The following AGBL4 variants were observed in gnomAD, a reference collection of about 807,000 sequenced individuals.
The protein encoded by AGBL4 is cytosolic carboxypeptidase 6.
In AGBL4, 58 loss-of-function variants were observed where a neutral mutation model predicts 66.4. The observed-to-expected ratio is 0.87, with a 90% confidence interval of 0.71 to 1.09. The LOEUF is 1.09. Among genes scored for constraint, AGBL4 ranks in the 50% least tolerant of loss-of-function variants. The pLI, the probability that AGBL4 is intolerant of heterozygous loss-of-function variation, is 0.00. For synonymous variants in AGBL4, 234 were observed against 222.9 expected, an observed-to-expected ratio of 1.05 and a Z score of -0.44; for missense variants, 579 against 631.0, an observed-to-expected ratio of 0.92 and a Z score of 0.88.
intron 6 of AGBL4, among the ~76,000 whole-genome samples, chr1:48,834,032 T>C (rs760340963): frequency 6.6e-6 from 1 of 152,170 alleles, no homozygotes; most frequent in African/African-American, 2.4e-5. Flanking sequence ...TTGCAAGCCA[T>C]AATATCTAAT....
chr1:49,111,553 A>G (rs1048763085), intron 4 of AGBL4, among the ~76,000 whole-genome samples: 1 of 152,166 alleles, frequency 6.6e-6, no homozygotes, highest in African/African-American at 2.4e-5. Flanking sequence ...TGTCACCTCC[A>G]CAGAGAGGCT....
intron 3 of AGBL4, among the ~76,000 whole-genome samples, chr1:49,347,148 C>T (rs1024287677): frequency 6.6e-6 from 1 of 151,876 alleles, no homozygotes; most frequent in African/African-American, 2.4e-5. Context: ...TTGTTATCTT[C>T]TATATAAACA....
At chr1:50,018,181 T>G (rs1662135896) in intron 1 of AGBL4, among the ~76,000 whole-genome samples, 1 of 152,150 alleles carries the variant, frequency 6.6e-6, no homozygotes, top group South Asian at 2.1e-4. Context: ...CATTGCTTTG[T>G]TTTCCTTCAG....
At chr1:48,767,805 T>C (rs1644602112) in intron 6 of AGBL4, among the ~76,000 whole-genome samples, 1 of 152,228 alleles carries the variant, frequency 6.6e-6, no homozygotes, top group African/African-American at 2.4e-5. Context: ...CTGGACTCTT[T>C]TATGTCCAGG....
chr1:49,130,746 G>A (rs1036619805), intron 4 of AGBL4, among the ~76,000 whole-genome samples: 9 of 152,144 alleles, frequency 5.9e-5, no homozygotes, highest in East Asian at 3.9e-4. Flanking sequence ...GTCAGGTAGC[G>A]TGATGCCTCC....
chr1:48,628,607 T>A (rs1421195614), intron 9 of AGBL4, among the ~76,000 whole-genome samples: 1 of 152,122 alleles, frequency 6.6e-6, no homozygotes, highest in African/African-American at 2.4e-5. Flanking sequence ...GCACCTCACA[T>A]GCCCTCCTCA....
rs569844671 is a variant in AGBL4 at position 49,786,888 on chromosome 1, G to A, written c.157+64508C>T. On this transcript the variant is annotated intron_variant, in intron 2 of 13. Coordinates refer to ENST00000371839, the MANE Select transcript of AGBL4 (RefSeq NM_032785.4). ...ACTTTCTACTTTCTACATTACTGCA[G>A]TGGCAGTGTTGGTAAATTTTCCATC... Among the ~76,000 whole-genome samples the A allele has an allele frequency of 2.6e-5, 4 of 152,296 alleles. No individual in the cohort carries two copies. In the South Asian group the frequency reaches 8.3e-4, roughly 32 times the overall value.
intron 4 of AGBL4, among the ~76,000 whole-genome samples, chr1:49,145,972 G>A (rs985591283): frequency 1.3e-5 from 2 of 152,138 alleles, no homozygotes; most frequent in African/African-American, 4.8e-5. Flanking sequence ...GATGGAATTC[G>A]AGGCCATTAC....
At chr1:49,106,210 T>C (rs1437123085) in intron 4 of AGBL4, among the ~76,000 whole-genome samples, 2 of 152,298 alleles carry the variant, frequency 1.3e-5, no homozygotes. Context: ...TGAATGTTTC[T>C]AGTTAATTCT....
chr1:49,530,727 G>T (rs12079187), intron 3 of AGBL4, among the ~76,000 whole-genome samples: 2 of 152,010 alleles, frequency 1.3e-5, no homozygotes, highest in South Asian at 2.1e-4. Context: ...TTAAAACTAA[G>T]AAAGTCCAAG....
intron 6 of AGBL4, among the ~76,000 whole-genome samples, chr1:48,731,468 T>C (rs1277763171): frequency 6.6e-6 from 1 of 152,122 alleles, no homozygotes; most frequent in Non-Finnish European, 1.5e-5. Context: ...GAGGCAAAGA[T>C]ACAGTAAGAA....
chr1:49,554,674 C>T (rs1260286560), intron 3 of AGBL4, among the ~76,000 whole-genome samples: 1 of 152,204 alleles, frequency 6.6e-6, no homozygotes, highest in African/African-American at 2.4e-5. Context: ...GTTTCTTGGT[C>T]TCGCTGACTT....
chr1:49,528,679 C>G (rs1252999860), intron 3 of AGBL4, among the ~76,000 whole-genome samples: 1 of 151,800 alleles, frequency 6.6e-6, no homozygotes, highest in Non-Finnish European at 1.5e-5. Context: ...TTTAGGTGAT[C>G]AGGAAAAAAT....
intron 4 of AGBL4, among the ~76,000 whole-genome samples, chr1:49,140,275 A>T (rs776299385): frequency 9.9e-5 from 15 of 152,234 alleles, no homozygotes; most frequent in Non-Finnish European, 2.2e-4. Context: ...CTCTCAAAAC[A>T]ACACTGCAAA....
chr1:48,867,741 C>G (rs1648252202), intron 5 of AGBL4, among the ~76,000 whole-genome samples: 1 of 152,224 alleles, frequency 6.6e-6, no homozygotes, highest in Non-Finnish European at 1.5e-5. Context: ...TAAGTCTGCT[C>G]ATAATACTAT....
intron 5 of AGBL4, among the ~76,000 whole-genome samples, chr1:48,914,560 C>T (rs1653423405): frequency 6.6e-6 from 1 of 152,056 alleles, no homozygotes; most frequent in African/African-American, 2.4e-5. Flanking sequence ...GAGACTTTAC[C>T]AAAGCTGATG....
At chr1:50,018,287 C>T (rs1662144523) in intron 1 of AGBL4, among the ~76,000 whole-genome samples, 1 of 152,024 alleles carries the variant, frequency 6.6e-6, no homozygotes, top group South Asian at 2.1e-4. Flanking sequence ...AAAACATCTT[C>T]CTTTGAAGTT....
intron 1 of AGBL4, chr1:49,994,345 G>C (rs186424050): frequency 7.8e-4 from 114 of 146,968 alleles, no homozygotes; most frequent in African/African-American, 2.7e-3. Flanking sequence ...AAAAAAACCT[G>C]CTTTCTTCAA....
intron 6 of AGBL4, among the ~76,000 whole-genome samples, chr1:48,730,724 T>C (rs561434422): frequency 6.6e-6 from 1 of 152,322 alleles, no homozygotes; most frequent in Non-Finnish European, 1.5e-5. Flanking sequence ...TCACCTGCAG[T>C]TGCCGGGAAT....
Sources: gnomAD v4.1 joint callset for allele counts (sites outside exome capture counted in the v4.1 genomes callset) on GRCh38, gnomAD v4.1.1 for gene constraint, MANE v1.5 for transcripts, NCBI Gene and HGNC (gene_info 2026-07-23, HGNC 2026-07-21) for gene names.